The following CTNND2 variants were observed in gnomAD, a reference collection of about 807,000 sequenced individuals.
CTNND2 encodes catenin delta-2.
A neutral mutation model predicts 144.4 loss-of-function variants in CTNND2; 22 were observed. The ratio of observed to expected loss-of-function variants is 0.15; its 90% CI spans 0.11 to 0.22. The LOEUF (loss-of-function observed/expected upper bound fraction) is 0.22, where lower values mean the gene tolerates loss of function less well. Among genes scored for constraint, CTNND2 ranks in the 10% least tolerant of loss-of-function variants. The pLI, the probability that CTNND2 is intolerant of heterozygous loss-of-function variation, is 1.00. For missense variants in CTNND2, 1,353 were observed against 1,618.8 expected (o/e 0.84, Z 2.82); for synonymous variants, 751 against 695.6 (o/e 1.08, Z -1.25).
intron 7 of CTNND2, among the ~76,000 whole-genome samples, chr5:11,380,594 A>G (rs1324284574): frequency 3.9e-5 from 6 of 152,190 alleles, no homozygotes; most frequent in Non-Finnish European, 8.8e-5. Flanking sequence ...AAAGAAACGA[A>G]ATTTTTAAAC....
chr5:11,835,186 T>C (rs1354658351), intron 1 of CTNND2, among the ~76,000 whole-genome samples: 1 of 152,210 alleles, frequency 6.6e-6, no homozygotes, highest in Non-Finnish European at 1.5e-5. Context: ...AACAATTTTT[T>C]TATACTGTTG....
chr5:11,438,088 T>C (rs1763931436), intron 3 of CTNND2, among the ~76,000 whole-genome samples: 1 of 152,084 alleles, frequency 6.6e-6, no homozygotes, highest in African/African-American at 2.4e-5. Context: ...TGGGAAGAAA[T>C]ATTAAGAGGA....
intron 9 of CTNND2, among the ~76,000 whole-genome samples, chr5:11,265,035 T>G (rs573186112): frequency 1.3e-5 from 2 of 152,204 alleles, no homozygotes; most frequent in South Asian, 2.1e-4. Context: ...AGGCTAAATT[T>G]TATTAAATCA....
intron 2 of CTNND2, among the ~76,000 whole-genome samples, chr5:11,639,057 T>G (rs1434301718): frequency 1.3e-5 from 2 of 152,028 alleles, no homozygotes; most frequent in Non-Finnish European, 2.9e-5. Context: ...ATTGGTAGTC[T>G]CCAAAAGGGG....
chr5:11,378,784 CT>C (rs111508900), intron 7 of CTNND2, among the ~76,000 whole-genome samples: 2,586 of 151,692 alleles, frequency 0.017, 61 homozygotes, highest in African/African-American at 0.06. Flanking sequence ...GGACTAGACT[CT>C]TTTTTTTTCT....
At chr5:11,392,929 C>A (rs562160332) in intron 6 of CTNND2, among the ~76,000 whole-genome samples, 1 of 152,252 alleles carries the variant, frequency 6.6e-6, no homozygotes, top group East Asian at 1.9e-4. Context: ...TCTTTACCAC[C>A]CTTTTTATTC....
At position 11,853,810 on chromosome 5, in the gene CTNND2, A is replaced by T. The variant is rs146382964; in HGVS notation, c.37+50007T>A. On this transcript the variant is annotated intron_variant, in intron 1 of 21. Transcript: ENST00000304623. Reference sequence around the variant, plus strand: ...TAACTCCGTTGATTCTACCTTCTGGATAGGTACAGCGTTTAGTCACTCTTG... The same window carrying T: ...TAACTCCGTTGATTCTACCTTCTGGTTAGGTACAGCGTTTAGTCACTCTTG... 3.3e-3 allele frequency among the ~76,000 whole-genome samples: 505 copies of T among 152,278 alleles called. 2 individuals carry two copies. The highest frequency in any genetic ancestry group is 5.1e-3 in the Non-Finnish European group (344 of 68,022).
chr5:11,185,685 T>C (rs923288963), intron 11 of CTNND2, among the ~76,000 whole-genome samples: 1 of 152,202 alleles, frequency 6.6e-6, no homozygotes, highest in Non-Finnish European at 1.5e-5. Flanking sequence ...CTGAGTTTCA[T>C]CCTCTAACGG....
intron 21 of CTNND2, among the ~76,000 whole-genome samples, chr5:10,981,211 T>G (rs1183054339): frequency 6.6e-6 from 1 of 152,208 alleles, no homozygotes; most frequent in African/African-American, 2.4e-5. Flanking sequence ...TCTAACAAGA[T>G]TCTGGGTAAC....
intron 1 of CTNND2, among the ~76,000 whole-genome samples, chr5:11,800,740 A>G (rs1029795998): frequency 6.6e-6 from 1 of 152,194 alleles, no homozygotes; most frequent in Non-Finnish European, 1.5e-5. Context: ...GAATAACAGC[A>G]TTGTCTCATC....
chr5:11,113,683 C>T (rs1015496659), intron 13 of CTNND2, among the ~76,000 whole-genome samples: 4 of 152,214 alleles, frequency 2.6e-5, no homozygotes. Context: ...TACGTAACAG[C>T]CACTGTGATG....
chr5:11,581,541 T>C lies in CTNND2; in HGVS notation c.175-16485A>G, dbSNP rs77174969. 6.0e-3 allele frequency among the ~76,000 whole-genome samples: 908 copies of C among 152,318 alleles called. 10 individuals are homozygous for C. The highest frequency in any genetic ancestry group is 0.021 in the African/African-American group (873 of 41,574). ...CAACATACACAGATCAGCAAACACC[T>C]TGGATTGTTTTCCAGCCCCTAGATG... is the stretch of plus-strand genomic sequence containing the variant. On this transcript the variant is annotated intron_variant, in intron 2 of 21. Transcript: ENST00000304623.
chr5:11,155,817 A>G (rs1417757145), intron 12 of CTNND2, among the ~76,000 whole-genome samples: 5 of 152,192 alleles, frequency 3.3e-5, no homozygotes, highest in African/African-American at 1.2e-4. Context: ...CTTGTCCCCA[A>G]ATGAATTTCA....
Position 11,220,202 on chromosome 5 carries a change from T to TA in CTNND2, c.1761+16488dup, listed in dbSNP as rs201828069. The stretch of plus-strand genomic sequence containing the variant: ...GTAAAAATCCATAAAAAAAAAAATT[T>TA]AGAGTGTGTTTGCATTACATAGAAA... On this transcript the variant is annotated intron_variant, in intron 10 of 21. Transcript: ENST00000304623. Among the ~76,000 whole-genome samples the TA allele has an allele frequency of 7.2e-3, 1,094 of 152,060 alleles. 9 individuals carry two copies. Among genetic ancestry groups the TA allele is most frequent in the South Asian group, 0.018 (88 of 4,806 alleles).
chr5:11,763,479 C>T (rs1789397108), intron 1 of CTNND2, among the ~76,000 whole-genome samples: 1 of 152,172 alleles, frequency 6.6e-6, no homozygotes, highest in Admixed American at 6.5e-5. Flanking sequence ...GGTTATTTGG[C>T]TTATTAATGT....
intron 2 of CTNND2, among the ~76,000 whole-genome samples, chr5:11,642,479 T>C (rs913051566): frequency 9.9e-5 from 15 of 152,172 alleles, no homozygotes; most frequent in African/African-American, 3.1e-4. Context: ...CAGCACAAAC[T>C]CTGATGGATG....
chr5:11,385,433 C>T (rs964105679), intron 6 of CTNND2, among the ~76,000 whole-genome samples: 2 of 152,286 alleles, frequency 1.3e-5, no homozygotes, highest in East Asian at 1.9e-4. Flanking sequence ...GACACTGGCA[C>T]AGGCCAGCTG....
chr5:11,885,027 A>G (rs964950521), intron 1 of CTNND2, among the ~76,000 whole-genome samples: 6 of 152,156 alleles, frequency 3.9e-5, no homozygotes, highest in African/African-American at 1.4e-4. Flanking sequence ...ATGGCGTATA[A>G]AAGCACTTTT....
At chr5:11,192,570 T>C (rs1420332416) in intron 11 of CTNND2, among the ~76,000 whole-genome samples, 1 of 151,946 alleles carries the variant, frequency 6.6e-6, no homozygotes, top group Non-Finnish European at 1.5e-5. Flanking sequence ...TTTCTGGCAG[T>C]GATCAGAGGA....
Sources: gnomAD v4.1 joint callset for allele counts (sites outside exome capture counted in the v4.1 genomes callset) on GRCh38, gnomAD v4.1.1 for gene constraint, MANE v1.5 for transcripts, NCBI Gene and HGNC (gene_info 2026-07-23, HGNC 2026-07-21) for gene names.